SNTB1: variants seen among roughly 807,000 people sequenced by gnomAD.
SNTB1 encodes beta-1-syntrophin.
A neutral mutation model predicts 48.9 loss-of-function variants in SNTB1; 36 were observed. The observed-to-expected ratio is 0.74, with a 90% confidence interval of 0.56 to 0.97. The LOEUF (loss-of-function observed/expected upper bound fraction) is 0.97. Ranked by LOEUF, SNTB1 falls within the 50% of genes least tolerant of loss-of-function variation. The probability of loss-of-function intolerance (pLI) is 0.00; values close to 1 mark genes in which losing one functional copy is unlikely to be tolerated. For synonymous variants in SNTB1, 299 were observed against 294.6 expected (o/e 1.01, Z -0.15); for missense variants, 786 against 703.4 (o/e 1.12, Z -1.33).
intron 1 of SNTB1, among the ~76,000 whole-genome samples, chr8:120,741,379 T>C (rs935558296): frequency 1.3e-5 from 2 of 152,122 alleles, no homozygotes; most frequent in Non-Finnish European, 2.9e-5. Context: ...GAGGCCGAGG[T>C]GGGCAGATCA....
At chr8:120,766,598 T>C (rs1041742364) in intron 1 of SNTB1, among the ~76,000 whole-genome samples, 1 of 152,192 alleles carries the variant, frequency 6.6e-6, no homozygotes, top group African/African-American at 2.4e-5. Flanking sequence ...GCACCAATCA[T>C]ATGCCAATTA....
At chr8:120,804,923 A>G (rs1404054219) in intron 1 of SNTB1, among the ~76,000 whole-genome samples, 1 of 152,164 alleles carries the variant, frequency 6.6e-6, no homozygotes, top group Non-Finnish European at 1.5e-5. Context: ...CTACCACAGC[A>G]TCTCATAATG....
At chr8:120,568,550 CAGAT>C (rs1411533317) in intron 4 of SNTB1, among the ~76,000 whole-genome samples, 1 of 152,154 alleles carries the variant, frequency 6.6e-6, no homozygotes, top group African/African-American at 2.4e-5. Context: ...GAGTGTTTCA[CAGAT>C]AGGGATTCTG....
chr8:120,540,867 G>C (rs981145720), intron 6 of SNTB1, among the ~76,000 whole-genome samples: 1 of 152,176 alleles, frequency 6.6e-6, no homozygotes, highest in Non-Finnish European at 1.5e-5. Flanking sequence ...ATTTAGAAGA[G>C]TGGGGCTGCA....
intron 1 of SNTB1, among the ~76,000 whole-genome samples, chr8:120,781,115 A>G (rs1342756255): frequency 1.3e-5 from 2 of 152,244 alleles, no homozygotes; most frequent in African/African-American, 4.8e-5. Flanking sequence ...GTGGACCTAC[A>G]GGCTATGGGG....
At chr8:120,630,367 G>A (rs537626501) in intron 3 of SNTB1, among the ~76,000 whole-genome samples, 27 of 152,306 alleles carry the variant, frequency 1.8e-4, no homozygotes, top group Non-Finnish European at 3.5e-4. Flanking sequence ...CTAGTCTCAG[G>A]TAACTGCTGC....
intron 1 of SNTB1, among the ~76,000 whole-genome samples, chr8:120,791,066 T>C (rs986551892): frequency 4.6e-5 from 7 of 151,684 alleles, no homozygotes; most frequent in Non-Finnish European, 5.9e-5. Flanking sequence ...ACCAAACATG[T>C]ATACTATAGC....
Position 120,575,079 on chromosome 8 carries a change from T to C in SNTB1, c.1136+7A>G. 2.5e-6 allele frequency: 4 copies of C among 1,614,140 alleles called. No individual in the cohort carries two copies. The highest frequency in any genetic ancestry group is 3.4e-6 in the Non-Finnish European group (4 of 1,179,988). On this transcript the variant is annotated splice_region_variant and intron_variant, in intron 4 of 6. Transcript: ENST00000517992. ...ACACATCATACCAAACACAAGGCCATGGCTACCTGGTGGCAAGAAGAGGGT... is the reference window on the plus strand; with the variant it reads ...ACACATCATACCAAACACAAGGCCACGGCTACCTGGTGGCAAGAAGAGGGT...
intron 2 of SNTB1, among the ~76,000 whole-genome samples, chr8:120,668,759 A>T (rs1817714605): frequency 6.6e-6 from 1 of 152,238 alleles, no homozygotes; most frequent in Non-Finnish European, 1.5e-5. Context: ...CATCAAGAAC[A>T]GCTGGAGAAA....
At chr8:120,642,187 G>C (rs1817206663) in intron 2 of SNTB1, among the ~76,000 whole-genome samples, 1 of 152,196 alleles carries the variant, frequency 6.6e-6, no homozygotes, top group Non-Finnish European at 1.5e-5. Context: ...CAATGGCTGA[G>C]AGGGACATGG....
chr8:120,732,057 G>A (rs1818861905), intron 1 of SNTB1, among the ~76,000 whole-genome samples: 2 of 152,168 alleles, frequency 1.3e-5, no homozygotes, highest in South Asian at 4.1e-4. Context: ...CTCTCCATGA[G>A]GGTATGAAAA....
chr8:120,550,847 A>G (rs1292079149), intron 4 of SNTB1, among the ~76,000 whole-genome samples: 1 of 152,250 alleles, frequency 6.6e-6, no homozygotes, highest in East Asian at 1.9e-4. Flanking sequence ...TCATTAAGAA[A>G]AGGTATCTAC....
At position 120,693,927 on chromosome 8, in the gene SNTB1, C is replaced by G. The variant is rs369789128; in HGVS notation, c.572-19G>C. 5.6e-5 allele frequency: 89 copies of G among 1,592,458 alleles called. No homozygotes were observed. The highest frequency in any genetic ancestry group is 7.5e-5 in the Non-Finnish European group (87 of 1,160,624). ...TACTTCACTGCAAGGAAAAAGACAA[C>G]AAGTGCTTTTAATACATCACGGCTG... On this transcript the variant is annotated intron_variant, in intron 1 of 6. Coordinates refer to ENST00000517992, the MANE Select transcript of SNTB1 (RefSeq NM_021021.4).
At chr8:120,544,872 A>G (rs1815351411) in intron 5 of SNTB1, among the ~76,000 whole-genome samples, 1 of 151,704 alleles carries the variant, frequency 6.6e-6, no homozygotes. Flanking sequence ...GACTTCAACA[A>G]TGATGGGAAA....
At chr8:120,542,780 C>A (rs1294655209) in intron 5 of SNTB1, among the ~76,000 whole-genome samples, 2 of 151,818 alleles carry the variant, frequency 1.3e-5, no homozygotes, top group Non-Finnish European at 2.9e-5. Flanking sequence ...ACAGCATACA[C>A]CCATGACATC....
In SNTB1 at chr8:120,609,687, A is replaced by T. The variant is rs191506273; in HGVS notation, c.996+22757T>A. ...CTTTTTAAAAGAAAATTAACATTTT[A>T]AAAAAACCAACAAAAACAAATAAAA... On this transcript the variant is annotated intron_variant, in intron 3 of 6. Transcript: ENST00000517992. Among the ~76,000 whole-genome samples, 35 of 152,392 alleles carry T rather than the reference A, an allele frequency of 2.3e-4. No homozygotes were observed. The East Asian group carries it at 4.6e-3, about 20-fold the overall frequency.
chr8:120,710,201 C>T (rs1473634555), intron 1 of SNTB1, among the ~76,000 whole-genome samples: 3 of 152,180 alleles, frequency 2.0e-5, no homozygotes, highest in African/African-American at 4.8e-5. Flanking sequence ...TTCTAAAACA[C>T]TATCTATGTT....
chr8:120,616,259 C>T (rs1055717516), intron 3 of SNTB1, among the ~76,000 whole-genome samples: 12 of 150,794 alleles, frequency 8.0e-5, no homozygotes, highest in East Asian at 3.9e-4. Flanking sequence ...ATTTTAGATT[C>T]GACTACTTGA....
intron 1 of SNTB1, among the ~76,000 whole-genome samples, chr8:120,755,706 C>G (rs567729288): frequency 1.3e-4 from 20 of 152,176 alleles, no homozygotes; most frequent in Admixed American, 7.2e-4. Context: ...AATGCATTTT[C>G]TCACCTATTA....
Sources: allele counts gnomAD v4.1 joint callset (sites outside exome capture counted in the v4.1 genomes callset), GRCh38; gene constraint gnomAD v4.1.1; transcripts MANE v1.5; gene names NCBI Gene and HGNC (gene_info 2026-07-23, HGNC 2026-07-21).